The following RELN variants were observed in gnomAD, a reference collection of about 807,000 sequenced individuals.
RELN encodes the protein reelin.
Under a neutral mutation model 427.6 loss-of-function variants are expected in RELN, and 108 were observed. The observed-to-expected ratio is 0.25, with a 90% CI of 0.22 to 0.30. The LOEUF (loss-of-function observed/expected upper bound fraction) is 0.30, where lower values mean the gene tolerates loss of function less well. Among genes scored for constraint, RELN ranks in the 10% least tolerant of loss-of-function variants. The pLI is 1.00. For missense variants in RELN, 3,715 were observed against 4,302.8 expected, an observed-to-expected ratio of 0.86 and a Z score of 3.82; for synonymous variants, 1,524 against 1,513.4, an observed-to-expected ratio of 1.01 and a Z score of -0.16.
chr7:103,484,123 A>ACCCACCT lies in RELN; in HGVS notation c.9984-280_9984-274dup, dbSNP rs1828341500. On this transcript the variant is annotated intron_variant, in intron 61 of 64. Transcript: ENST00000428762. ...TCGAACTCCTGACCTCAGGTGATCC[A>ACCCACCT]CCCACCTCGGCCTCCCAAAGTGCTG... 9.3e-6 allele frequency: 4 copies of ACCCACCT among 428,838 alleles called. No individual in the cohort carries two copies. In the Admixed American group the frequency reaches 1.4e-4, roughly 15 times the overall value. The allele number at this position is 428,838 out of a possible 1,614,324, so 26.6% of individuals were successfully genotyped here. A position where few individuals can be genotyped will look rare whatever the true frequency, so the allele number is the denominator to read the frequency against.
intron 2 of RELN, among the ~76,000 whole-genome samples, chr7:103,846,200 C>T (rs993583680): frequency 2.0e-5 from 3 of 152,144 alleles, no homozygotes; most frequent in Non-Finnish European, 4.4e-5. Context: ...GCTACGGTAA[C>T]AAAAACAGCA....
chr7:103,686,794 T>C (rs1340558508), intron 10 of RELN, among the ~76,000 whole-genome samples: 2 of 152,150 alleles, frequency 1.3e-5, no homozygotes, highest in Admixed American at 6.6e-5. Flanking sequence ...TTTAAAGGTA[T>C]AGACTTTCAT....
rs1795313869 is a variant in RELN at position 103,909,766 on chromosome 7, ATTTAATATATAT to A, written c.337+7297_337+7308del. ...ATAAATATATATATTAAATATATAT[ATTTAATATATAT>A]AAATATATATATTAAATATATATTA... is the stretch of plus-strand genomic sequence containing the variant. On this transcript the variant is annotated intron_variant, in intron 2 of 64. Transcript: ENST00000428762. Among the ~76,000 whole-genome samples the A allele has an allele frequency of 7.9e-5, 6 of 75,898 alleles. 2 individuals carry two copies. The highest frequency in any genetic ancestry group is 3.2e-4 in the African/African-American group (6 of 18,864). The allele number at this position is 75,898 out of a possible 152,430, so 49.8% of individuals were successfully genotyped here.
chr7:103,476,651 C>A, intron 64 of RELN: 1 of 242,226 alleles, frequency 4.1e-6, no homozygotes, highest in South Asian at 5.1e-5. Context: ...TTATGGCAAG[C>A]TATACTAAAA....
intron 6 of RELN, among the ~76,000 whole-genome samples, chr7:103,736,033 C>T (rs750845690): frequency 2.0e-5 from 3 of 152,198 alleles, no homozygotes; most frequent in Non-Finnish European, 2.9e-5. Flanking sequence ...CCCCCAGGTA[C>T]GGATCACACT....
chr7:103,538,846 C>G (rs188316544), intron 45 of RELN, among the ~76,000 whole-genome samples: 3 of 152,142 alleles, frequency 2.0e-5, no homozygotes, highest in African/African-American at 4.8e-5. Context: ...TAAGTCTTCA[C>G]GTACATATGC....
chr7:103,647,211 C>T (rs917588461), intron 16 of RELN, among the ~76,000 whole-genome samples: 2 of 151,730 alleles, frequency 1.3e-5, no homozygotes, highest in Non-Finnish European at 2.9e-5. Context: ...CTATCTAGAG[C>T]AATCAGGCAA....
At position 103,943,615 on chromosome 7, in the gene RELN, C is replaced by G. The variant is rs111686166; in HGVS notation, c.227-26430G>C. ...CCTGTAATCCCAGTGCTTTGGGAGG[C>G]AGAGGTGGTTGGATCACTTGAGGTC... On this transcript the variant is annotated intron_variant, in intron 1 of 64. Transcript: ENST00000428762. 5.9e-5 allele frequency among the ~76,000 whole-genome samples: 9 copies of G among 152,106 alleles called. 3 individuals carry two copies. The highest frequency in any genetic ancestry group is 2.2e-4 in the African/African-American group (9 of 41,488).
chr7:103,534,303 A>G (rs1303571776), intron 46 of RELN, among the ~76,000 whole-genome samples: 4 of 152,212 alleles, frequency 2.6e-5, no homozygotes, highest in African/African-American at 4.8e-5. Context: ...AGGAGTTTCT[A>G]TCAAGATGTT....
rs1832668097 is a variant in RELN, at chr7:103,640,137, C to T, written c.2069+406G>A. 1.3e-5 allele frequency among the ~76,000 whole-genome samples: 2 copies of T among 152,094 alleles called. No homozygotes were observed. On this transcript the variant is annotated intron_variant, in intron 17 of 64. Transcript: ENST00000428762. This position sits in a 1 kb window ranked among gnomAD's most constrained non-coding sequence, Gnocchi z 4.1. Reference sequence around the variant, plus strand: ...CTTATCAAATCTGCTAAATTTGGTCCAGTCCAGTTTCCTTTAGCATTGGAT... The same window carrying T: ...CTTATCAAATCTGCTAAATTTGGTCTAGTCCAGTTTCCTTTAGCATTGGAT...
chr7:103,759,185 G>A (rs973112628), intron 4 of RELN, among the ~76,000 whole-genome samples: 16 of 151,950 alleles, frequency 1.1e-4, no homozygotes, highest in African/African-American at 3.6e-4. Flanking sequence ...ATCACCATAA[G>A]CTAGCAAAAG....
intron 45 of RELN, 56 bp from the exon 46 acceptor site, chr7:103,535,540 A>G (rs1294242522): frequency 2.7e-6 from 4 of 1,481,402 alleles, no homozygotes; most frequent in Non-Finnish European, 3.8e-6. Flanking sequence ...CCCAGGAACC[A>G]TAATTGTTTA....
At chr7:103,496,040 C>T (rs768183306) in intron 56 of RELN, 142 bp from the exon 57 acceptor site, 67 of 842,158 alleles carry the variant, frequency 8.0e-5, no homozygotes, top group Non-Finnish European at 1.1e-4. Flanking sequence ...TCTGCTTACA[C>T]TTTAGGATTG....
intron 2 of RELN, among the ~76,000 whole-genome samples, chr7:103,909,682 T>A (rs1342862628): frequency 3.1e-5 from 2 of 64,730 alleles, no homozygotes; most frequent in African/African-American, 1.9e-4. Flanking sequence ...TTAAATATAT[T>A]TAATAAATAT....
chr7:103,687,345 C>A (rs1833784667), intron 10 of RELN, among the ~76,000 whole-genome samples: 1 of 152,096 alleles, frequency 6.6e-6, no homozygotes, highest in Non-Finnish European at 1.5e-5. Flanking sequence ...TGGGAGACTG[C>A]AAGATAACAT....
At chr7:103,567,847 G>A (rs148779462) in intron 31 of RELN, among the ~76,000 whole-genome samples, 1 of 151,638 alleles carries the variant, frequency 6.6e-6, no homozygotes, top group African/African-American at 2.4e-5. Flanking sequence ...CCATGCTGGA[G>A]TGCAGTGGCA....
At chr7:103,479,687 T>G (rs1242422630) in intron 63 of RELN, among the ~76,000 whole-genome samples, 1 of 152,202 alleles carries the variant, frequency 6.6e-6, no homozygotes, top group Non-Finnish European at 1.5e-5. Context: ...TCCTTCCACA[T>G]GTATTTTAGA....
intron 1 of RELN, among the ~76,000 whole-genome samples, chr7:103,963,108 T>TTCTC (rs950855492): frequency 3.3e-5 from 5 of 149,682 alleles, no homozygotes; most frequent in Non-Finnish European, 4.4e-5. Flanking sequence ...TTAGACAGGA[T>TTCTC]TCTCTCTCTC....
chr7:103,592,450 T>G (rs1259284973), intron 27 of RELN, among the ~76,000 whole-genome samples: 1 of 152,158 alleles, frequency 6.6e-6, no homozygotes, highest in Non-Finnish European at 1.5e-5. Flanking sequence ...GATGAGCATT[T>G]AGGTGGTCTT....
Sources: allele counts gnomAD v4.1 joint callset (sites outside exome capture counted in the v4.1 genomes callset), GRCh38; gene constraint gnomAD v4.1.1; non-coding constraint Gnocchi (gnomAD v3.1); transcripts MANE v1.5; gene names NCBI Gene and HGNC (gene_info 2026-07-23, HGNC 2026-07-21).